MORC1: variants seen among roughly 807,000 people sequenced by gnomAD.
MORC1 encodes MORC family CW-type zinc finger 1.
A neutral mutation model predicts 134.9 loss-of-function variants in MORC1; 59 were observed. The observed-to-expected ratio is 0.44, with a 90% CI of 0.35 to 0.54. The LOEUF is 0.54. MORC1 is among the 20% of genes least tolerant of loss of function. MORC1 has a pLI of 0.00. For synonymous variants in MORC1, 395 were observed against 391.7 expected (o/e 1.01, Z -0.10); for missense variants, 947 against 1,134.5 (o/e 0.83, Z 2.37).
chr3:109,001,426 T>C (rs1276721251), intron 20 of MORC1, among the ~76,000 whole-genome samples: 1 of 152,250 alleles, frequency 6.6e-6, no homozygotes. Flanking sequence ...TAATCTTGTT[T>C]CTACCCTTTC....
chr3:109,104,015 G>A, intron 3 of MORC1, 98 bp from the exon 4 acceptor site: 1 of 1,095,648 alleles, frequency 9.1e-7, no homozygotes, highest in Non-Finnish European at 1.4e-6. Context: ...CTCCAATGCA[G>A]CCACAGAGTG....
intron 10 of MORC1, 24 bp downstream of exon 10, chr3:109,063,128 T>G: frequency 6.6e-7 from 1 of 1,509,298 alleles, no homozygotes; most frequent in Admixed American, 1.7e-5. Context: ...ACAACAATGA[T>G]GTAGGCTACA....
intron 24 of MORC1, among the ~76,000 whole-genome samples, chr3:108,979,271 A>C (rs1189907191): frequency 6.6e-6 from 1 of 152,232 alleles, no homozygotes; most frequent in Non-Finnish European, 1.5e-5. Context: ...TATTTATTAC[A>C]TTCAAGAGAA....
In MORC1 at chr3:109,111,050, T is replaced by A. The variant is rs1361963786; in HGVS notation, c.120-267A>T. On this transcript the variant is annotated intron_variant, in intron 2 of 27. Transcript: ENST00000232603. ...AAAAACTAACAAAATGGATATAATT[T>A]AAAAAAAAAAAAAAAAAACAAAAAA... Among the ~76,000 whole-genome samples, 36 of 113,868 alleles carry A rather than the reference T, an allele frequency of 3.2e-4. 1 individual carries two copies. The highest frequency in any genetic ancestry group is 4.6e-4 in the Admixed American group (5 of 10,766). The allele number at this position is 113,868 out of a possible 152,430, so 74.7% of individuals were successfully genotyped here.
At chr3:108,967,317 C>T (rs985387041) in intron 26 of MORC1, among the ~76,000 whole-genome samples, 1 of 152,152 alleles carries the variant, frequency 6.6e-6, no homozygotes, top group Non-Finnish European at 1.5e-5. Context: ...GGATAAACAG[C>T]TGTATGACAG....
chr3:108,982,566 G>A (rs563924236), intron 23 of MORC1, among the ~76,000 whole-genome samples: 13 of 144,568 alleles, frequency 9.0e-5, no homozygotes, highest in Non-Finnish European at 1.5e-4. Context: ...CATCACACAC[G>A]GGGACCTGTC....
chr3:109,114,308 T>C (rs1951227205), intron 2 of MORC1, 76 bp downstream of exon 2: 2 of 1,281,902 alleles, frequency 1.6e-6, no homozygotes, highest in South Asian at 1.4e-5. Context: ...CATGATCTTT[T>C]TATCTTCCCA....
chr3:108,980,212 CT>C (rs1323735592), intron 23 of MORC1, among the ~76,000 whole-genome samples: 1 of 152,168 alleles, frequency 6.6e-6, no homozygotes, highest in African/African-American at 2.4e-5. Flanking sequence ...TTTACCTCCC[CT>C]TCACCAGAAA....
intron 14 of MORC1, among the ~76,000 whole-genome samples, chr3:109,050,179 G>GT: frequency 1.3e-5 from 2 of 152,308 alleles, no homozygotes; most frequent in East Asian, 3.9e-4. Context: ...GGTTTCTGCA[G>GT]TTTTCATTCT....
intron 17 of MORC1, among the ~76,000 whole-genome samples, chr3:109,023,745 T>C (rs1949012377): frequency 6.6e-6 from 1 of 152,350 alleles, no homozygotes; most frequent in East Asian, 1.9e-4. Context: ...TATAACATTA[T>C]GGTTTTTAAA....
intron 17 of MORC1, among the ~76,000 whole-genome samples, chr3:109,009,667 T>C (rs1323569247): frequency 1.3e-5 from 2 of 152,200 alleles, no homozygotes; most frequent in African/African-American, 4.8e-5. Context: ...CAAAGTGAAC[T>C]GTTTTGTCCC....
chr3:109,100,355 T>C (rs1023118840), intron 5 of MORC1, 62 bp downstream of exon 5: 1 of 1,255,540 alleles, frequency 8.0e-7, no homozygotes, highest in Non-Finnish European at 1.2e-6. Flanking sequence ...CTGTGTAAAT[T>C]GCTTTATAAA....
At chr3:109,100,321 A>T in intron 5 of MORC1, 96 bp downstream of exon 5, 2 of 981,836 alleles carry the variant, frequency 2.0e-6, no homozygotes, top group Non-Finnish European at 3.2e-6. Context: ...TATATTTTTT[A>T]AAGCTTTACA....
intron 14 of MORC1, among the ~76,000 whole-genome samples, chr3:109,044,734 C>G (rs1949644499): frequency 6.6e-6 from 1 of 151,500 alleles, no homozygotes; most frequent in Admixed American, 6.6e-5. Flanking sequence ...CATTCAAGGT[C>G]AGGAGTTCAA....
rs34841653 is a variant in MORC1, at chr3:109,000,553, T to C, written c.2187+4A>G. 0.015 allele frequency: 23,546 copies of C among 1,583,772 alleles called. 319 individuals are homozygous for C. Among genetic ancestry groups the C allele is most frequent in the Middle Eastern group, 0.087 (519 of 5,958 alleles). The stretch of plus-strand genomic sequence containing the variant: ...GGTGTCATTTAGTGTATAGTTTATC[T>C]CACCAGGATTATATCTGAATCACTC... On this transcript the variant is annotated splice_donor_region_variant and intron_variant, in intron 21 of 27. Transcript: ENST00000232603.
intron 21 of MORC1, among the ~76,000 whole-genome samples, chr3:108,989,400 AT>A (rs113301868): frequency 5.3e-5 from 8 of 152,340 alleles, no homozygotes; most frequent in African/African-American, 1.9e-4. Flanking sequence ...CTTAATTAAA[AT>A]TATGTTAACA....
At chr3:109,060,596 C>A (rs116046414) in intron 11 of MORC1, among the ~76,000 whole-genome samples, 6 of 152,060 alleles carry the variant, frequency 3.9e-5, no homozygotes, top group African/African-American at 7.2e-5. Flanking sequence ...ACTATTTTCA[C>A]TGAATTTCAA....
At chr3:109,107,228 C>T (rs1483394358) in intron 3 of MORC1, among the ~76,000 whole-genome samples, 1 of 151,986 alleles carries the variant, frequency 6.6e-6, no homozygotes, top group Non-Finnish European at 1.5e-5. Flanking sequence ...TCATTAGTGC[C>T]CATAATTAAT....
chr3:109,033,171 T>C (rs1256545879), intron 15 of MORC1, among the ~76,000 whole-genome samples: 2 of 152,066 alleles, frequency 1.3e-5, no homozygotes, highest in Non-Finnish European at 2.9e-5. Flanking sequence ...CTACTACCTG[T>C]CTGCTGACAA....
Sources: gnomAD v4.1 joint callset for allele counts (sites outside exome capture counted in the v4.1 genomes callset) on GRCh38, gnomAD v4.1.1 for gene constraint, MANE v1.5 for transcripts, NCBI Gene and HGNC (gene_info 2026-07-23, HGNC 2026-07-21) for gene names.